The following ARHGEF10L variants were observed in gnomAD, a reference collection of about 807,000 sequenced individuals.
ARHGEF10L encodes Rho guanine nucleotide exchange factor 10 like.
A neutral mutation model predicts 141.2 loss-of-function variants in ARHGEF10L; 69 were observed. That is an observed-to-expected ratio of 0.49 (90% CI 0.40 to 0.60). ARHGEF10L has a LOEUF of 0.60. ARHGEF10L is among the 20% of genes least tolerant of loss of function. The probability of loss-of-function intolerance (pLI) is 0.00; values close to 1 mark genes in which losing one functional copy is unlikely to be tolerated. For synonymous variants in ARHGEF10L, 711 were observed against 718.5 expected (o/e 0.99, Z 0.17); for missense variants, 1,482 against 1,734.3 (o/e 0.85, Z 2.58).
At chr1:17,655,058 C>G (rs1292521064) in intron 23 of ARHGEF10L, among the ~76,000 whole-genome samples, 1 of 152,184 alleles carries the variant, frequency 6.6e-6, no homozygotes, top group Non-Finnish European at 1.5e-5. Context: ...CTGGCTAGTG[C>G]CCTACTCATG....
intron 4 of ARHGEF10L, 66 bp downstream of exon 4, chr1:17,588,545 A>T: frequency 6.2e-7 from 1 of 1,600,456 alleles, no homozygotes; most frequent in Admixed American, 1.7e-5. Flanking sequence ...GTGGGTGGGG[A>T]TGGGGTGGAG....
chr1:17,561,660 G>A (rs953656736), intron 1 of ARHGEF10L, among the ~76,000 whole-genome samples: 9 of 152,350 alleles, frequency 5.9e-5, no homozygotes, highest in South Asian at 2.1e-4. Flanking sequence ...TGGGGCTGTC[G>A]GGTGCCCTGG....
the ARHGEF10L span, among the ~76,000 whole-genome samples, chr1:17,523,083 CATTT>C: frequency 9.3e-6 from 1 of 107,020 alleles, no homozygotes; most frequent in African/African-American, 3.5e-5. Flanking sequence ...ATTTGTTTTC[CATTT>C]TTTTTTTTTT....
chr1:17,521,132 G>A, the ARHGEF10L span, among the ~76,000 whole-genome samples: 1 of 152,326 alleles, frequency 6.6e-6, no homozygotes, highest in East Asian at 1.9e-4. Flanking sequence ...ATGAACCTCT[G>A]ACAGGTGGCT....
Position 17,603,634 on chromosome 1 carries a change from G to C in ARHGEF10L, c.433+43G>C. 6.5e-7 allele frequency: 1 copy of C among 1,536,270 alleles called. No individual in the cohort carries two copies. Among genetic ancestry groups the C allele is most frequent in the Non-Finnish European group, 8.8e-7 (1 of 1,131,408 alleles). ...CTTCCCTGTTTCTCTTGGGGACAGG[G>C]GAGGGAGGCTGGGACTGGGGAGGGT... On this transcript the variant is annotated intron_variant, in intron 6 of 28. Transcript: ENST00000361221. This position sits in a 1 kb window ranked among gnomAD's most constrained non-coding sequence, Gnocchi z 4.8.
At chr1:17,667,211 C>T (rs1213499825) in intron 26 of ARHGEF10L, among the ~76,000 whole-genome samples, 2 of 152,226 alleles carry the variant, frequency 1.3e-5, no homozygotes, top group Non-Finnish European at 2.9e-5. Flanking sequence ...GGAAAGGAGG[C>T]CCAGCCTGCT....
intron 7 of ARHGEF10L, among the ~76,000 whole-genome samples, chr1:17,611,228 A>T (rs1382123596): frequency 1.3e-5 from 2 of 152,150 alleles, no homozygotes; most frequent in African/African-American, 4.8e-5. Context: ...TGGTTTTATT[A>T]TGTGAAACTA....
At chr1:17,645,592 C>T (rs917761734) in intron 21 of ARHGEF10L, among the ~76,000 whole-genome samples, 11 of 152,086 alleles carry the variant, frequency 7.2e-5, no homozygotes, top group Admixed American at 2.6e-4. Flanking sequence ...ATTGTAAGTT[C>T]CTTGAGAGCA....
At position 17,619,385 on chromosome 1, in the gene ARHGEF10L, G is replaced by C; in HGVS notation, c.882G>C (p.Ser294=). ...EDMGLLEVSV[S]DIKPPAPELG... ...TGGGGCTCCTGGAGGTCAGCGTTTC[G>C]GACATCAAGCCCCCAGCCCCAGAGC... Residue 294 remains serine, a synonymous_variant, in exon 10 of 29, where the codon TCG becomes TCC. Coordinates refer to ENST00000361221, the MANE Select transcript of ARHGEF10L (RefSeq NM_018125.4). This position sits in a 1 kb window ranked among gnomAD's most constrained non-coding sequence, Gnocchi z 5.0. 1.2e-6 allele frequency: 2 copies of C among 1,612,908 alleles called. No homozygotes were observed. Among genetic ancestry groups the C allele is most frequent in the Non-Finnish European group, 1.7e-6 (2 of 1,179,796 alleles).
chr1:17,618,406 G>A (rs1248484867), intron 9 of ARHGEF10L: 8 of 1,542,016 alleles, frequency 5.2e-6, no homozygotes, highest in East Asian at 2.5e-5. Flanking sequence ...AGGCTGGGGT[G>A]GGTGCGGAGT....
chr1:17,515,567 T>A, the ARHGEF10L span, among the ~76,000 whole-genome samples: 1 of 152,184 alleles, frequency 6.6e-6, no homozygotes. Flanking sequence ...CCCAAAGTGC[T>A]GGGATTACAG....
intron 26 of ARHGEF10L, among the ~76,000 whole-genome samples, chr1:17,664,851 G>A (rs1348552694): frequency 2.6e-5 from 4 of 152,310 alleles, no homozygotes; most frequent in Middle Eastern, 3.4e-3. Flanking sequence ...GAGTTGTGTC[G>A]GTTGCTGCCT....
rs1558068429 is a variant in ARHGEF10L, at chr1:17,697,407, C to T, written c.*27C>T. ...GCCTCCCCTCTCCCCTCAGAGGGCA[C>T]AGCTGCAGGCCTGACCAAGGCCACG... On this transcript the variant is annotated 3_prime_UTR_variant, in exon 29 of 29. Transcript: ENST00000361221. The surrounding 1 kb of genome is among the most constrained non-coding windows in gnomAD (Gnocchi z 4.8). 1.3e-6 allele frequency: 2 copies of T among 1,560,736 alleles called. No homozygotes were observed. Among genetic ancestry groups the T allele is most frequent in the Non-Finnish European group, 8.7e-7 (1 of 1,151,274 alleles).
chr1:17,577,146 G>A (rs1288841816), intron 1 of ARHGEF10L, among the ~76,000 whole-genome samples: 2 of 152,256 alleles, frequency 1.3e-5, no homozygotes, highest in Non-Finnish European at 1.5e-5. Flanking sequence ...CCAGGTTCAA[G>A]TGATTCTCCT....
At chr1:17,535,406 C>G (rs539506393), upstream of ARHGEF10L, among the ~76,000 whole-genome samples, 4 of 152,326 alleles carry the variant, frequency 2.6e-5, no homozygotes, top group South Asian at 8.3e-4. Context: ...CAGCCTGGTT[C>G]TGATCCATGG....
chr1:17,665,881 C>T (rs1025726272), intron 26 of ARHGEF10L, among the ~76,000 whole-genome samples: 6 of 152,136 alleles, frequency 3.9e-5, no homozygotes, highest in South Asian at 2.1e-4. Context: ...GGCGAGCTGC[C>T]GGCATAGTTC....
the ARHGEF10L span, among the ~76,000 whole-genome samples, chr1:17,520,410 A>G: frequency 6.6e-6 from 1 of 152,180 alleles, no homozygotes; most frequent in African/African-American, 2.4e-5. Flanking sequence ...TGCCCCTGTC[A>G]CTTGTGCTCC....
chr1:17,638,766 A>G (rs2061163534), intron 20 of ARHGEF10L, 77 bp downstream of exon 20: 16 of 1,582,514 alleles, frequency 1.0e-5, no homozygotes, highest in Non-Finnish European at 1.3e-5. Context: ...CGGAGAGGGT[A>G]CCTGGAGCCC....
At chr1:17,580,689 G>A in intron 2 of ARHGEF10L, 57 bp downstream of exon 2, 1 of 1,608,608 alleles carries the variant, frequency 6.2e-7, no homozygotes, top group Non-Finnish European at 8.5e-7. Context: ...GGGCCGCTGG[G>A]GGCCGGCGGA....
Sources: allele counts gnomAD v4.1 joint callset (sites outside exome capture counted in the v4.1 genomes callset), GRCh38; gene constraint gnomAD v4.1.1; non-coding constraint Gnocchi (gnomAD v3.1); transcripts MANE v1.5; gene names NCBI Gene and HGNC (gene_info 2026-07-23, HGNC 2026-07-21).